BIRC6: variants seen among roughly 807,000 people sequenced by gnomAD.
BIRC6 encodes the protein dual E2 ubiquitin-conjugating enzyme/E3 ubiquitin-protein ligase BIRC6.
In BIRC6, 98 loss-of-function variants were observed where a neutral mutation model predicts 503.3. The ratio of observed to expected loss-of-function variants is 0.19; its 90% CI spans 0.17 to 0.23. The LOEUF is 0.23. Among genes scored for constraint, BIRC6 ranks in the 10% least tolerant of loss-of-function variants. The pLI, the probability that BIRC6 is intolerant of heterozygous loss-of-function variation, is 1.00. For synonymous variants in BIRC6, 2,240 were observed against 2,078.7 expected, an observed-to-expected ratio of 1.08 and a Z score of -2.11; for missense variants, 5,360 against 5,806.0, an observed-to-expected ratio of 0.92 and a Z score of 2.50.
Position 32,366,166 on chromosome 2 carries a change from CA to C in BIRC6, c.325+8681del, listed in dbSNP as rs546601516. Among the ~76,000 whole-genome samples, 15 of 152,318 alleles carry C rather than the reference CA, an allele frequency of 9.8e-5. No homozygotes were observed. The East Asian group carries it at 2.9e-3, about 29-fold the overall frequency. ...GATTACAGGCATGAGCCACCATGCC[CA>C]GCCAGCAATTTTAATTATTAGACCT... On this transcript the variant is annotated intron_variant, in intron 1 of 73. Transcript: ENST00000421745.
At chr2:32,481,164 CGT>C (rs1473749692) in intron 37 of BIRC6, among the ~76,000 whole-genome samples, 154 bp from the exon 38 acceptor site, 1 of 150,868 alleles carries the variant, frequency 6.6e-6, no homozygotes, top group Non-Finnish European at 1.5e-5. Context: ...TTGTTTTTAT[CGT>C]GTATTATGGA....
intron 24 of BIRC6, among the ~76,000 whole-genome samples, chr2:32,463,853 A>G (rs1325442548): frequency 2.0e-5 from 3 of 152,234 alleles, no homozygotes; most frequent in Non-Finnish European, 4.4e-5. Context: ...ACTGGGCTGC[A>G]CAGCAAGATG....
intron 36 of BIRC6, 48 bp downstream of exon 36, chr2:32,478,866 T>C (rs1482044072): frequency 1.7e-5 from 27 of 1,563,984 alleles, no homozygotes; most frequent in Non-Finnish European, 2.3e-5. Flanking sequence ...TACCTTGTCA[T>C]TGCTCAACTA....
At chr2:32,455,020 A>G (rs2047088178) in intron 23 of BIRC6, among the ~76,000 whole-genome samples, 1 of 152,192 alleles carries the variant, frequency 6.6e-6, no homozygotes. Flanking sequence ...GCCATGACAA[A>G]AAATTTGAAC....
chr2:32,468,988 G>C (rs1042129633), intron 29 of BIRC6, among the ~76,000 whole-genome samples: 1 of 151,432 alleles, frequency 6.6e-6, no homozygotes, highest in African/African-American at 2.4e-5. Context: ...TGTTTTTTTT[G>C]GGTTTCTGGT....
intron 59 of BIRC6, chr2:32,529,141 G>A (rs1419076775): frequency 6.6e-6 from 1 of 152,200 alleles, no homozygotes; most frequent in African/African-American, 2.4e-5. Flanking sequence ...ATCGACTGGT[G>A]GGTTGGATAC....
rs1211609899 is a variant in BIRC6, at chr2:32,445,741, T to G, written c.4484+73T>G. The G allele has an allele frequency of 5.5e-6, 6 of 1,087,942 alleles. No homozygotes were observed. In the Admixed American group the frequency reaches 1.5e-4, roughly 28 times the overall value. 67.4% of individuals were successfully genotyped at this position (1,087,942 alleles called of 1,614,324 possible). A position where few individuals can be genotyped will look rare whatever the true frequency, so the allele number is the denominator to read the frequency against. ...TCACGCTTTTGCAGAGAACTGTTAT[T>G]TAATATATATATGCTGATAACAGTC... On this transcript the variant is annotated intron_variant, in intron 21 of 73. Coordinates refer to ENST00000421745, the MANE Select transcript of BIRC6 (RefSeq NM_016252.4).
rs190360702 is a variant in BIRC6, at chr2:32,439,592, G to A, written c.3716G>A (p.Gly1239Asp). 1 of 1,613,804 alleles carries A rather than the reference G, an allele frequency of 6.2e-7. No homozygotes were observed. The highest frequency in any genetic ancestry group is 8.5e-7 in the Non-Finnish European group (1 of 1,179,748). ...ERGTEEICNGGMRPVVRLPSL... is the reference protein window; with the variant it reads ...ERGTEEICNGDMRPVVRLPSL... ...GGAACAGAAGAGATTTGTAATGGTG[G>A]TATGCGTCCTGTAGTAAGGCTTCCA... is the stretch of plus-strand genomic sequence containing the variant. Residue 1239 changes from glycine to aspartate, a missense_variant, in exon 16 of 74, where the codon GGT becomes GAT. This residue lies in a region of BIRC6 where 2,299 missense variants were observed against 2,267.2 expected (regional missense o/e 1.01). Coordinates refer to ENST00000421745, the MANE Select transcript of BIRC6 (RefSeq NM_016252.4).
At chr2:32,388,605 G>A in intron 3 of BIRC6, 145 bp from the exon 4 acceptor site, 1 of 596,936 alleles carries the variant, frequency 1.7e-6, no homozygotes. Flanking sequence ...TTTTATAACT[G>A]CAAGTTTCTG....
chr2:32,439,439 A>G (rs1056246727), intron 15 of BIRC6, 69 bp from the exon 16 acceptor site: 45 of 1,427,912 alleles, frequency 3.2e-5, no homozygotes, highest in Admixed American at 4.1e-5. Context: ...ATCTTGTTCT[A>G]TGAAGATGAA....
At chr2:32,363,305 G>C (rs377025799) in intron 1 of BIRC6, among the ~76,000 whole-genome samples, 39 of 152,282 alleles carry the variant, frequency 2.6e-4, no homozygotes, top group African/African-American at 8.9e-4. Flanking sequence ...CTGGGCAACA[G>C]AGCAAGACTC....
rs548481031 is a variant in BIRC6 at position 32,543,366 on chromosome 2, A to G, written c.12417A>G (p.Glu4139=). ...VYEAPETVAA[E]PPPIKSAVQT... ...AAGCACCAGAAACTGTTGCGGCTGA[A>G]CCTCCACCTATCAAGTCAGCAGTAC... Residue 4139 remains glutamate (E), a synonymous_variant, in exon 62 of 74, where the codon GAA becomes GAG. Transcript: ENST00000421745. The G allele has an allele frequency of 8.4e-5, 135 of 1,613,700 alleles. No homozygotes were observed. Among genetic ancestry groups the G allele is most frequent in the Non-Finnish European group, 1.1e-4 (127 of 1,179,852 alleles).
Position 32,467,918 on chromosome 2 carries a change from C to T in BIRC6, c.5587C>T (p.Arg1863Cys), listed in dbSNP as rs768948509. Reference protein sequence around the residue: ...CRFMKITVIGRYGSTNARAKI... With the variant: ...CRFMKITVIGCYGSTNARAKI... ...TTCATTTCAGATCACTGTTATTGGA[C>T]GTTACGGGAGTACAAATGCCAGAGC... Residue 1863 changes from arginine (R) to cysteine (C), a missense_variant, in exon 28 of 74, where the codon CGT (arginine) becomes TGT (cysteine). Physicochemically the swap from Arg to Cys is radical, Grantham distance 180. This residue lies in a region of BIRC6 where 2,299 missense variants were observed against 2,267.2 expected (regional missense o/e 1.01). Coordinates refer to ENST00000421745, the MANE Select transcript of BIRC6 (RefSeq NM_016252.4). The T allele has an allele frequency of 5.6e-6, 9 of 1,612,458 alleles. No individual in the cohort carries two copies. The highest frequency in any genetic ancestry group is 2.7e-5 in the African/African-American group (2 of 74,968).
intron 65 of BIRC6, among the ~76,000 whole-genome samples, chr2:32,560,625 G>A (rs1053136723): frequency 1.3e-5 from 2 of 151,932 alleles, no homozygotes; most frequent in Admixed American, 1.3e-4. Flanking sequence ...CTGCCACCCG[G>A]GCTGGAGTGC....
In BIRC6 at chr2:32,617,807, A is replaced by C; in HGVS notation, c.14477A>C (p.Glu4826Ala). Reference sequence around the variant, plus strand: ...GATCCTGACACTGACGATGCCCCAGAGGTGTGCAGAGCCACAACAGGTGCT... The same window carrying C: ...GATCCTGACACTGACGATGCCCCAGCGGTGTGCAGAGCCACAACAGGTGCT... ...GLDPDTDDAP[E>A]VCRATTGAEE... The change falls in exon 74 of 74, where the codon GAG becomes GCG. Residue 4826 changes from glutamate (E) to alanine (A), a missense_variant. This residue lies in a region of BIRC6 where 140 missense variants were observed against 130.2 expected (regional missense o/e 1.07). Coordinates refer to ENST00000421745, the MANE Select transcript of BIRC6 (RefSeq NM_016252.4). 1 of 1,613,992 alleles carries C rather than the reference A, an allele frequency of 6.2e-7. No homozygotes were observed. The highest frequency in any genetic ancestry group is 8.5e-7 in the Non-Finnish European group (1 of 1,179,884).
intron 57 of BIRC6, 158 bp downstream of exon 57, chr2:32,519,104 C>A: frequency 1.4e-6 from 1 of 713,052 alleles, no homozygotes; most frequent in Non-Finnish European, 2.2e-6. Flanking sequence ...AGAAGCCAGT[C>A]AAGTGGACAA....
intron 43 of BIRC6, among the ~76,000 whole-genome samples, chr2:32,491,123 G>T (rs1432282785): frequency 6.6e-6 from 1 of 152,186 alleles, no homozygotes; most frequent in African/African-American, 2.4e-5. Context: ...GGGGGAGTTA[G>T]TTAGAATAGG....
intron 1 of BIRC6, among the ~76,000 whole-genome samples, chr2:32,366,827 A>G (rs1392647471): frequency 1.3e-5 from 2 of 152,018 alleles, no homozygotes; most frequent in East Asian, 3.9e-4. Context: ...TACAAAAAAA[A>G]AAAAATTAGC....
intron 21 of BIRC6, among the ~76,000 whole-genome samples, chr2:32,447,715 ACCTC>A (rs1467230930): frequency 1.7e-5 from 1 of 58,206 alleles, no homozygotes; most frequent in African/African-American, 7.6e-5. Context: ...GACCCCCCCC[ACCTC>A]CCTCCTGGTC....
Sources: gnomAD v4.1 joint callset for allele counts (sites outside exome capture counted in the v4.1 genomes callset) on GRCh38, gnomAD v4.1.1 for gene constraint, gnomAD v4.1.1 regional missense constraint, MANE v1.5 for transcripts, NCBI Gene and HGNC (gene_info 2026-07-23, HGNC 2026-07-21) for gene names.